Variants in MARCHF4 observed in about 807,000 individuals in gnomAD.
The protein encoded by MARCHF4 is membrane associated ring-CH-type finger 4.
MARCHF4 carries 14 observed loss-of-function variants against 43.9 expected under a neutral mutation model. The ratio of observed to expected loss-of-function variants is 0.32; its 90% CI spans 0.21 to 0.50. The LOEUF is 0.50. Among genes scored for constraint, MARCHF4 ranks in the 20% least tolerant of loss-of-function variants. MARCHF4 has a pLI of 0.98. For missense variants in MARCHF4, 468 were observed against 536.7 expected, an observed-to-expected ratio of 0.87 and a Z score of 1.27; for synonymous variants, 226 against 213.3, an observed-to-expected ratio of 1.06 and a Z score of -0.52.
intron 3 of MARCHF4, among the ~76,000 whole-genome samples, chr2:216,265,305 T>G: frequency 6.6e-6 from 1 of 152,312 alleles, no homozygotes; most frequent in Admixed American, 6.5e-5. Flanking sequence ...AACCCTGGGC[T>G]GTATTTGTGG....
chr2:216,259,038 T>G lies in MARCHF4; in HGVS notation c.*274A>C, dbSNP rs1574455707. On this transcript the variant is annotated 3_prime_UTR_variant, in exon 4 of 4. Coordinates refer to ENST00000273067, the MANE Select transcript of MARCHF4 (RefSeq NM_020814.3). ...TGCCTGCAGGTGCATTGGGGCAGGG[T>G]TTTTCTGTTGGGCCAGGTTCAGCCT... is the stretch of plus-strand genomic sequence containing the variant. 5 of 286,306 alleles carry G rather than the reference T, an allele frequency of 1.7e-5. No homozygotes were observed. Among genetic ancestry groups the G allele is most frequent in the South Asian group, 1.2e-4 (1 of 8,250 alleles). The allele number at this position is 286,306 out of a possible 1,614,324, so 17.7% of individuals were successfully genotyped here. A position where few individuals can be genotyped will look rare whatever the true frequency, so the allele number is the denominator to read the frequency against.
At chr2:216,354,899 CTT>C (rs1474660718) in intron 1 of MARCHF4, among the ~76,000 whole-genome samples, 4 of 44,790 alleles carry the variant, frequency 8.9e-5, no homozygotes, top group African/African-American at 3.5e-4. Flanking sequence ...TGTTTTCTTT[CTT>C]TCTTTCTTTC....
chr2:216,317,122 C>T (rs560007723), intron 1 of MARCHF4, among the ~76,000 whole-genome samples: 20 of 152,244 alleles, frequency 1.3e-4, no homozygotes, highest in African/African-American at 4.6e-4. Flanking sequence ...AGTGCCCCCA[C>T]CCCCCAAAGC....
intron 1 of MARCHF4, among the ~76,000 whole-genome samples, chr2:216,298,687 T>G (rs1691435452): frequency 6.6e-6 from 1 of 152,200 alleles, no homozygotes; most frequent in Non-Finnish European, 1.5e-5. Context: ...ATGTACAGAT[T>G]TATTGTAAAT....
intron 2 of MARCHF4, among the ~76,000 whole-genome samples, chr2:216,282,785 C>A (rs912297259): frequency 2.0e-5 from 3 of 152,132 alleles, no homozygotes; most frequent in Non-Finnish European, 4.4e-5. Flanking sequence ...GTGGCAGGCC[C>A]TCATTCCACC....
In MARCHF4 at chr2:216,273,245, T is replaced by C. The variant is rs144029950; in HGVS notation, c.865+4427A>G. Among the ~76,000 whole-genome samples the C allele has an allele frequency of 1.4e-3, 219 of 152,380 alleles. 2 individuals are homozygous for C. The East Asian group carries it at 0.018, about 12-fold the overall frequency. On this transcript the variant is annotated intron_variant, in intron 3 of 3. Coordinates refer to ENST00000273067, the MANE Select transcript of MARCHF4 (RefSeq NM_020814.3). ...TAACGATTTGTTAAAACCATCCATT[T>C]TATGTTTACTCATATTCTTTACTAT...
intron 1 of MARCHF4, among the ~76,000 whole-genome samples, chr2:216,301,115 G>A (rs1574468520): frequency 1.3e-5 from 2 of 152,140 alleles, no homozygotes; most frequent in South Asian, 2.1e-4. Context: ...GCTGAGAATG[G>A]AATAGAATTT....
chr2:216,259,658 G>A lies in MARCHF4; in HGVS notation c.887C>T (p.Pro296Leu), dbSNP rs750961400. 6.2e-7 allele frequency: 1 copy of A among 1,613,936 alleles called. No individual in the cohort carries two copies. Among genetic ancestry groups the A allele is most frequent in the Non-Finnish European group, 8.5e-7 (1 of 1,179,832 alleles). The change falls in exon 4 of 4, where the codon CCC becomes CTC. Residue 296 changes from proline to leucine, a missense_variant. This residue lies in a region of MARCHF4 where 158 missense variants were observed against 251.1 expected (regional missense o/e 0.63). Coordinates refer to ENST00000273067, the MANE Select transcript of MARCHF4 (RefSeq NM_020814.3). ...VCIGLIIHEG[P>L]SVYRIFKRWQ... ...CCGTTTAAAGATGCGGTACACCGAG[G>A]GTCCTTCATGGATGATGAGACCTGA...
intron 1 of MARCHF4, among the ~76,000 whole-genome samples, chr2:216,363,268 G>A (rs892480819): frequency 3.3e-5 from 5 of 152,150 alleles, no homozygotes; most frequent in African/African-American, 9.7e-5. Context: ...GGTAAGTGAA[G>A]GATTACTACA....
chr2:216,301,517 G>C (rs1256427833), intron 1 of MARCHF4, among the ~76,000 whole-genome samples: 4 of 152,202 alleles, frequency 2.6e-5, no homozygotes, highest in African/African-American at 9.6e-5. Context: ...CCATCTGTAT[G>C]GTTTGAAGCA....
At chr2:216,276,604 C>T (rs1445694128) in intron 3 of MARCHF4, among the ~76,000 whole-genome samples, 1 of 152,214 alleles carries the variant, frequency 6.6e-6, no homozygotes, top group African/African-American at 2.4e-5. Context: ...AAGAAATTCA[C>T]ACAAACGTCA....
intron 1 of MARCHF4, among the ~76,000 whole-genome samples, chr2:216,369,301 G>A (rs186761200): frequency 2.6e-5 from 4 of 152,176 alleles, no homozygotes; most frequent in Admixed American, 1.3e-4. Flanking sequence ...AAAAGGAAAA[G>A]AGAACAAGAT....
intron 1 of MARCHF4, among the ~76,000 whole-genome samples, chr2:216,311,598 C>A (rs1691687991): frequency 6.6e-6 from 1 of 152,174 alleles, no homozygotes; most frequent in South Asian, 2.1e-4. Flanking sequence ...GGTTTCCTCA[C>A]ATTTTTGCTT....
In MARCHF4 at chr2:216,340,528, C is replaced by T. The variant is rs784552; in HGVS notation, c.516+29217G>A. On this transcript the variant is annotated intron_variant, in intron 1 of 3. Transcript: ENST00000273067. Reference sequence around the variant, plus strand: ...GTCAAGCCAGCAATTTCACCTAATTCCACCAGCACCTACTCTTCCTTTGGC... The same window carrying T: ...GTCAAGCCAGCAATTTCACCTAATTTCACCAGCACCTACTCTTCCTTTGGC... Among the ~76,000 whole-genome samples the T allele has an allele frequency of 5.8e-3, 876 of 152,266 alleles. 11 individuals are homozygous for T. Among genetic ancestry groups the T allele is most frequent in the African/African-American group, 0.02 (828 of 41,530 alleles).
At chr2:216,327,634 C>G (rs979465531) in intron 1 of MARCHF4, among the ~76,000 whole-genome samples, 3 of 152,152 alleles carry the variant, frequency 2.0e-5, no homozygotes, top group African/African-American at 7.2e-5. Flanking sequence ...GTGTCCCTAG[C>G]TTTTAAATGG....
intron 1 of MARCHF4, among the ~76,000 whole-genome samples, chr2:216,355,973 C>T (rs1471367562): frequency 2.0e-5 from 3 of 152,234 alleles, no homozygotes; most frequent in Non-Finnish European, 2.9e-5. Context: ...ATTCACCTGC[C>T]GCTGGCTGGT....
At chr2:216,303,569 G>A (rs940999370) in intron 1 of MARCHF4, 1 of 152,280 alleles carries the variant, frequency 6.6e-6, no homozygotes, top group Admixed American at 6.5e-5. Context: ...AGTTACAGAA[G>A]CCAATGCTGG....
At chr2:216,367,098 G>A (rs1692678589) in intron 1 of MARCHF4, among the ~76,000 whole-genome samples, 1 of 152,138 alleles carries the variant, frequency 6.6e-6, no homozygotes, top group South Asian at 2.1e-4. Context: ...AGCCCCTATA[G>A]CAGTAGTAAA....
At chr2:216,369,303 G>T (rs145449349) in intron 1 of MARCHF4, among the ~76,000 whole-genome samples, 2 of 152,320 alleles carry the variant, frequency 1.3e-5, no homozygotes, top group East Asian at 3.9e-4. Flanking sequence ...AAGGAAAAGA[G>T]AACAAGATCT....
Sources: allele counts gnomAD v4.1 joint callset (sites outside exome capture counted in the v4.1 genomes callset), GRCh38; gene constraint gnomAD v4.1.1; regional missense constraint gnomAD v4.1.1; transcripts MANE v1.5; gene names NCBI Gene and HGNC (gene_info 2026-07-23, HGNC 2026-07-21).